Variants in SH2D2A observed in about 807,000 individuals in gnomAD.
The protein encoded by SH2D2A is SH2 domain-containing protein 2A.
A neutral mutation model predicts 43.6 loss-of-function variants in SH2D2A; 33 were observed. The observed-to-expected ratio is 0.76, with a 90% CI of 0.57 to 1.01. The LOEUF (loss-of-function observed/expected upper bound fraction) is 1.01, where lower values mean the gene tolerates loss of function less well. Among genes scored for constraint, SH2D2A ranks in the 50% least tolerant of loss-of-function variants. The pLI, the probability that SH2D2A is intolerant of heterozygous loss-of-function variation, is 0.00. For synonymous variants in SH2D2A, 212 were observed against 206.1 expected, an observed-to-expected ratio of 1.03 and a Z score of -0.25; for missense variants, 491 against 503.1, an observed-to-expected ratio of 0.98 and a Z score of 0.23.
rs983369727 is a variant in SH2D2A, at chr1:156,813,970, C to A, written c.445G>T (p.Gly149Trp). 2 of 1,528,536 alleles carry A rather than the reference C, an allele frequency of 1.3e-6. No homozygotes were observed. Among genetic ancestry groups the A allele is most frequent in the Non-Finnish European group, 1.8e-6 (2 of 1,141,014 alleles). 94.7% of individuals were successfully genotyped at this position (1,528,536 alleles called of 1,614,324 possible). A position where few individuals can be genotyped will look rare whatever the true frequency, so the allele number is the denominator to read the frequency against. ...RHFLLAQLRD[G>W]RHVVLGEDSA... The stretch of plus-strand genomic sequence containing the variant: ...TCCTCGCCCAGCACCACGTGGCGCC[C>A]GTCCCTGAGCTGGGCCAGCAGGAAG... Residue 149 changes from glycine (G) to tryptophan (W), a missense_variant, in exon 5 of 9, where the codon GGG (glycine) becomes TGG (tryptophan). Physicochemically the swap from Gly to Trp is radical, Grantham distance 184 (BLOSUM62 -2). Coordinates refer to ENST00000368199, the MANE Select transcript of SH2D2A (RefSeq NM_003975.4).
chr1:156,810,518 A>ATAAGCTAT (rs1389768203), intron 5 of SH2D2A, among the ~76,000 whole-genome samples: 1 of 149,306 alleles, frequency 6.7e-6, no homozygotes, highest in Non-Finnish European at 1.5e-5. Context: ...TTATGGAAAT[A>ATAAGCTAT]TAAGCTATTT....
intron 5 of SH2D2A, among the ~76,000 whole-genome samples, chr1:156,811,302 C>G (rs891215769): frequency 6.6e-6 from 1 of 152,216 alleles, no homozygotes; most frequent in Non-Finnish European, 1.5e-5. Flanking sequence ...GACTCCTCCC[C>G]CTGCATCGTC....
Position 156,807,224 on chromosome 1 carries a change from A to G in SH2D2A, c.1124T>C (p.Leu375Pro), listed in dbSNP as rs775023464. Residue 375 changes from leucine (L) to proline (P), a missense_variant, in exon 8 of 9, where the codon CTT becomes CCT. By Grantham distance (98) the Leu-to-Pro change is moderately conservative. Coordinates refer to ENST00000368199, the MANE Select transcript of SH2D2A (RefSeq NM_003975.4). This position sits in a 1 kb window ranked among gnomAD's most constrained non-coding sequence, Gnocchi z 5.1. ...TLPHNLSRQV[L>P]QDRGQAWLPL... Reference sequence around the variant, plus strand: ...AAGCCATGCCTGTCCTCTGTCCTGAAGCACCTGTCTAGAAAGATTGTGGGG... The same window carrying G: ...AAGCCATGCCTGTCCTCTGTCCTGAGGCACCTGTCTAGAAAGATTGTGGGG... 2 of 1,430,704 alleles carry G rather than the reference A, an allele frequency of 1.4e-6. No homozygotes were observed. Among genetic ancestry groups the G allele is most frequent in the Non-Finnish European group, 1.9e-6 (2 of 1,068,904 alleles). 88.6% of individuals were successfully genotyped at this position (1,430,704 alleles called of 1,614,324 possible).
Position 156,809,505 on chromosome 1 carries a change from G to T in SH2D2A, c.715-15C>A. On this transcript the variant is annotated splice_polypyrimidine_tract_variant and intron_variant, in intron 6 of 8. Coordinates refer to ENST00000368199, the MANE Select transcript of SH2D2A (RefSeq NM_003975.4). This position sits in a 1 kb window ranked among gnomAD's most constrained non-coding sequence, Gnocchi z 4.8. ...AGCTGGGAGGGCTGGGAGAGAAGGTGAGGCCAGGGAGGAGTGGGGTGAGGG... is the reference window on the plus strand; with the variant it reads ...AGCTGGGAGGGCTGGGAGAGAAGGTTAGGCCAGGGAGGAGTGGGGTGAGGG... 6.3e-7 allele frequency: 1 copy of T among 1,583,918 alleles called. No individual in the cohort carries two copies.
Position 156,809,146 on chromosome 1 carries a change from C to G in SH2D2A, c.1002+57G>C. ...ACTCTGAACACCTTCTTCACCTTCC[C>G]CCATCTACCTGCAGGGAGACCTTCT... On this transcript the variant is annotated intron_variant, in intron 7 of 8. Transcript: ENST00000368199. This position sits in a 1 kb window ranked among gnomAD's most constrained non-coding sequence, Gnocchi z 4.8. 9 of 1,530,688 alleles carry G rather than the reference C, an allele frequency of 5.9e-6. No homozygotes were observed. The highest frequency in any genetic ancestry group is 8.0e-6 in the Non-Finnish European group (9 of 1,129,528). 94.8% of individuals were successfully genotyped at this position (1,530,688 alleles called of 1,614,324 possible).
rs367808960 is a variant in SH2D2A at position 156,815,795 on chromosome 1, A to C, written c.123+211T>G. On this transcript the variant is annotated intron_variant, in intron 2 of 8. Transcript: ENST00000368199. ...CTCAGCCTGAGCTTCCAGAGGGCCT[A>C]GGAGCAGTAAGGGAGTGAGTGGGCA... 155 of 1,613,812 alleles carry C rather than the reference A, an allele frequency of 9.6e-5. 3 individuals carry two copies. The Middle Eastern group carries it at 1.2e-3, about 12-fold the overall frequency.
At chr1:156,806,749 A>C (rs1331001192) in intron 8 of SH2D2A, among the ~76,000 whole-genome samples, 176 bp from the exon 9 acceptor site, 1 of 152,172 alleles carries the variant, frequency 6.6e-6, no homozygotes, top group African/African-American at 2.4e-5. Context: ...CTAAACAGGG[A>C]ATCAGGAAGC....
intron 5 of SH2D2A, among the ~76,000 whole-genome samples, chr1:156,813,186 G>T (rs759735523): frequency 6.6e-6 from 1 of 152,166 alleles, no homozygotes; most frequent in Non-Finnish European, 1.5e-5. Context: ...AAATGACTAG[G>T]CTGGGCGCAG....
At position 156,815,633 on chromosome 1, in the gene SH2D2A, C is replaced by T. The variant is rs150610604; in HGVS notation, c.123+373G>A. On this transcript the variant is annotated intron_variant, in intron 2 of 8. Coordinates refer to ENST00000368199, the MANE Select transcript of SH2D2A (RefSeq NM_003975.4). ...CATAATATGAGGGACTGACCTAGTT[C>T]GCAGGGAAAATTATTGACTGGGCAG... The T allele has an allele frequency of 4.5e-4, 315 of 696,994 alleles. 4 individuals carry two copies. In the East Asian group the frequency reaches 7.9e-3, roughly 17 times the overall value. 43.2% of individuals were successfully genotyped at this position (696,994 alleles called of 1,614,324 possible). A position where few individuals can be genotyped will look rare whatever the true frequency, so the allele number is the denominator to read the frequency against.
At chr1:156,808,348 G>A (rs961283728) in intron 7 of SH2D2A, among the ~76,000 whole-genome samples, 4 of 152,160 alleles carry the variant, frequency 2.6e-5, no homozygotes, top group Non-Finnish European at 4.4e-5. Flanking sequence ...GGGTGAGAGC[G>A]CTGTTGGCCG....
chr1:156,812,200 C>T (rs1653467656), intron 5 of SH2D2A, among the ~76,000 whole-genome samples: 2 of 152,082 alleles, frequency 1.3e-5, no homozygotes, highest in South Asian at 2.1e-4. Flanking sequence ...CCTCTGCTAC[C>T]CTGACCCAGG....
In SH2D2A at chr1:156,813,857, G is replaced by T. The variant is rs566716582; in HGVS notation, c.558C>A (p.Leu186=). The part of the protein sequence containing the change: ...SPYGETLTEP[L]ARQTPEPAGL... ...GGTCTGGGGCGCGTACCTGTCGGGC[G>T]AGGGGCTCGGTGAGCGTCTCCCCGT... The change falls in exon 5 of 9, where the codon CTC becomes CTA. Residue 186 remains leucine (L), a synonymous_variant. Transcript: ENST00000368199. 116 of 1,493,844 alleles carry T rather than the reference G, an allele frequency of 7.8e-5. No homozygotes were observed. The highest frequency in any genetic ancestry group is 6.1e-4 in the South Asian group (47 of 77,142). The allele number at this position is 1,493,844 out of a possible 1,614,324, so 92.5% of individuals were successfully genotyped here. A position where few individuals can be genotyped will look rare whatever the true frequency, so the allele number is the denominator to read the frequency against.
chr1:156,811,023 G>T lies in SH2D2A; in HGVS notation c.568-1216C>A, dbSNP rs117302427. On this transcript the variant is annotated intron_variant, in intron 5 of 8. Coordinates refer to ENST00000368199, the MANE Select transcript of SH2D2A (RefSeq NM_003975.4). ...AATCCACCAAGTGCATGTCTCCATC[G>T]GGAGGTGTACTGCAGATATACTGTG... Among the ~76,000 whole-genome samples the T allele has an allele frequency of 4.4e-4, 67 of 152,224 alleles. No homozygotes were observed. In the East Asian group the frequency reaches 9.1e-3, roughly 21 times the overall value.
rs2102783903 is a variant in SH2D2A, at chr1:156,806,584, G to A, written c.*4-11C>T. 6.4e-6 allele frequency: 1 copy of A among 155,716 alleles called. No individual in the cohort carries two copies. The highest frequency in any genetic ancestry group is 2.0e-4 in the South Asian group (1 of 5,050). The allele number at this position is 155,716 out of a possible 1,614,324, so 9.6% of individuals were successfully genotyped here. ...GGGGTCAGGCCAGACCTGTCAGGGG[G>A]ACAGAGTTAAGCCAGGATCCACAGG... On this transcript the variant is annotated splice_polypyrimidine_tract_variant and intron_variant, in intron 8 of 8. Transcript: ENST00000368199.
chr1:156,813,698 G>T, intron 5 of SH2D2A, 150 bp downstream of exon 5: 4 of 704,862 alleles, frequency 5.7e-6, no homozygotes, highest in South Asian at 7.0e-5. Flanking sequence ...ACCCTCCCAT[G>T]AAGATGAAGA....
Position 156,816,702 on chromosome 1 carries a change from A to G in SH2D2A, c.7T>C (p.Phe3Leu), listed in dbSNP as rs780720483. 5 of 1,598,680 alleles carry G rather than the reference A, an allele frequency of 3.1e-6. No individual in the cohort carries two copies. The highest frequency in any genetic ancestry group is 2.3e-5 in the East Asian group (1 of 43,292). The change falls in exon 1 of 9, where the codon TTC becomes CTC. Residue 3 changes from phenylalanine to leucine, a missense_variant. Phe to Leu is a conservative substitution (Grantham distance 22). Transcript: ENST00000368199. ...TGGGGACATATCTGGGCCAGGGGGA[A>G]CTCCATGAGGGCAGCCTCACAAGGG... MEFPLAQICPQGS... is the reference protein window; with the variant it reads MELPLAQICPQGS...
Position 156,813,872 on chromosome 1 carries a change from C to T in SH2D2A, c.543G>A (p.Thr181=). The T allele has an allele frequency of 6.6e-7, 1 of 1,512,456 alleles. No homozygotes were observed. 93.7% of individuals were successfully genotyped at this position (1,512,456 alleles called of 1,614,324 possible). A position where few individuals can be genotyped will look rare whatever the true frequency, so the allele number is the denominator to read the frequency against. The change falls in exon 5 of 9, where the codon ACG becomes ACA. Residue 181 remains threonine, a synonymous_variant. Transcript: ENST00000368199. ...CCTGTCGGGCGAGGGGCTCGGTGAG[C>T]GTCTCCCCGTAGGGGCTGAGCGGGT... ...TAHPLSPYGE[T]LTEPLARQTP... is the part of the protein sequence containing the mutation.
rs759722611 is a variant in SH2D2A, at chr1:156,815,077, C to G, written c.268G>C (p.Gly90Arg). 5.6e-6 allele frequency: 9 copies of G among 1,601,790 alleles called. No homozygotes were observed. The highest frequency in any genetic ancestry group is 1.7e-5 in the Admixed American group (1 of 58,964). Residue 90 changes from glycine (G) to arginine (R), a missense_variant, in exon 3 of 9, where the codon GGG (glycine) becomes CGG (arginine). Transcript: ENST00000368199. ...CCATGGAACCAGGCAGGGGCTGCCC[C>G]GTGCTGCAGGAGCCAGTGGGCCTGG... ...KTQAHWLLQH[G>R]AAPAWFHGFI... is the part of the protein sequence containing the mutation.
intron 1 of SH2D2A, 121 bp downstream of exon 1, chr1:156,816,554 C>G: frequency 2.3e-6 from 2 of 881,642 alleles, no homozygotes; most frequent in Non-Finnish European, 3.5e-6. Context: ...TCAGCTTTGC[C>G]AGCTCTGGCT....
Sources: allele counts gnomAD v4.1 joint callset (sites outside exome capture counted in the v4.1 genomes callset), GRCh38; gene constraint gnomAD v4.1.1; non-coding constraint Gnocchi (gnomAD v3.1); transcripts MANE v1.5; gene names NCBI Gene and HGNC (gene_info 2026-07-23, HGNC 2026-07-21).